The following SLC44A5 variants were observed in gnomAD, a reference collection of about 807,000 sequenced individuals.
SLC44A5 encodes the protein choline transporter-like protein 5.
SLC44A5 carries 57 observed loss-of-function variants against 101.8 expected under a neutral mutation model. The observed-to-expected ratio is 0.56, with a 90% CI of 0.45 to 0.70. The LOEUF is 0.70. Among genes scored for constraint, SLC44A5 ranks in the 30% least tolerant of loss-of-function variants. The pLI, the probability that SLC44A5 is intolerant of heterozygous loss-of-function variation, is 0.00. For synonymous variants in SLC44A5, 281 were observed against 290.9 expected (o/e 0.97, Z 0.35); for missense variants, 737 against 853.1 (o/e 0.86, Z 1.70).
At position 75,524,190 on chromosome 1, in the gene SLC44A5, G is replaced by A. The variant is rs538117270; in HGVS notation, c.13+17245C>T. The stretch of plus-strand genomic sequence containing the variant: ...ACAAGATCTGGTTGTTTAAAAGTGT[G>A]TGGCACTTCCCCCTTAGCTCTCTCT... On this transcript the variant is annotated intron_variant, in intron 2 of 23. Transcript: ENST00000370859. Among the ~76,000 whole-genome samples, 4 of 152,252 alleles carry A rather than the reference G, an allele frequency of 2.6e-5. No homozygotes were observed. In the South Asian group the frequency reaches 8.3e-4, roughly 32 times the overall value.
the SLC44A5 span, among the ~76,000 whole-genome samples, chr1:75,639,319 T>A: frequency 6.6e-6 from 1 of 152,102 alleles, no homozygotes; most frequent in African/African-American, 2.4e-5. Flanking sequence ...CATGTAATTT[T>A]ATCTGTCAAT....
intron 3 of SLC44A5, among the ~76,000 whole-genome samples, chr1:75,361,293 C>G (rs2101116054): frequency 6.6e-6 from 1 of 152,068 alleles, no homozygotes; most frequent in African/African-American, 2.4e-5. Flanking sequence ...ATTAGGATGC[C>G]TTTTATTTCT....
At chr1:75,674,416 G>C in the SLC44A5 span, among the ~76,000 whole-genome samples, 1 of 151,770 alleles carries the variant, frequency 6.6e-6, no homozygotes, top group African/African-American at 2.4e-5. Flanking sequence ...TTTTGCTCTT[G>C]TCGCCCAGGC....
intron 2 of SLC44A5, among the ~76,000 whole-genome samples, chr1:75,479,622 C>T (rs1163342561): frequency 6.6e-6 from 1 of 152,358 alleles, no homozygotes; most frequent in Non-Finnish European, 1.5e-5. Context: ...ACTACAAACA[C>T]CTCTACGCAA....
At chr1:75,639,114 A>G in the SLC44A5 span, among the ~76,000 whole-genome samples, 1 of 152,058 alleles carries the variant, frequency 6.6e-6, no homozygotes, top group South Asian at 2.1e-4. Context: ...GATGAGAGGA[A>G]TAACTTCAAG....
intron 1 of SLC44A5, among the ~76,000 whole-genome samples, chr1:75,543,018 A>T (rs1671437653): frequency 6.6e-6 from 1 of 152,210 alleles, no homozygotes; most frequent in African/African-American, 2.4e-5. Context: ...ATATTATTCA[A>T]GTTTGACAAT....
At chr1:75,523,599 G>A (rs1295145175) in intron 2 of SLC44A5, among the ~76,000 whole-genome samples, 3 of 152,146 alleles carry the variant, frequency 2.0e-5, no homozygotes, top group Non-Finnish European at 4.4e-5. Flanking sequence ...TGGGATTACA[G>A]GCGTGAGCCA....
At chr1:75,419,816 C>A (rs1663891488) in intron 2 of SLC44A5, among the ~76,000 whole-genome samples, 1 of 152,014 alleles carries the variant, frequency 6.6e-6, no homozygotes, top group Non-Finnish European at 1.5e-5. Flanking sequence ...AAATGTGCAA[C>A]AATAATTAGA....
chr1:75,515,077 T>C (rs1182173331), intron 2 of SLC44A5, among the ~76,000 whole-genome samples: 1 of 152,218 alleles, frequency 6.6e-6, no homozygotes, highest in Non-Finnish European at 1.5e-5. Context: ...CTTATCATTC[T>C]CTTACTCTTC....
intron 3 of SLC44A5, among the ~76,000 whole-genome samples, chr1:75,392,395 G>GA (rs1199617334): frequency 1.3e-5 from 2 of 151,904 alleles, no homozygotes; most frequent in Non-Finnish European, 2.9e-5. Flanking sequence ...AGAAACAAAC[G>GA]AAAAAAATGC....
chr1:75,223,537 A>C (rs560663003), intron 13 of SLC44A5, among the ~76,000 whole-genome samples: 1 of 152,364 alleles, frequency 6.6e-6, no homozygotes, highest in South Asian at 2.1e-4. Flanking sequence ...TAAAATCCAG[A>C]AACAGAATCT....
chr1:75,555,215 C>A (rs1672152290), intron 1 of SLC44A5, among the ~76,000 whole-genome samples: 1 of 152,032 alleles, frequency 6.6e-6, no homozygotes, highest in Non-Finnish European at 1.5e-5. Flanking sequence ...AAGTTTAAAT[C>A]AGACAAAACC....
At chr1:75,385,924 A>T (rs796483113) in intron 3 of SLC44A5, among the ~76,000 whole-genome samples, 4 of 152,186 alleles carry the variant, frequency 2.6e-5, no homozygotes, top group Non-Finnish European at 5.9e-5. Context: ...CAATAAATGT[A>T]ATCCAGCATA....
At chr1:75,486,342 G>T (rs189583526) in intron 2 of SLC44A5, among the ~76,000 whole-genome samples, 1 of 152,226 alleles carries the variant, frequency 6.6e-6, no homozygotes, top group Admixed American at 6.5e-5. Flanking sequence ...ATATGTCTGT[G>T]TGTGTAGAGG....
chr1:75,682,650 C>G, the SLC44A5 span, among the ~76,000 whole-genome samples: 162 of 151,892 alleles, frequency 1.1e-3, 1 homozygote, highest in African/African-American at 3.8e-3. Context: ...ACCATAAAAA[C>G]CCTAGAAGAA....
intron 3 of SLC44A5, among the ~76,000 whole-genome samples, chr1:75,393,345 T>A (rs945549255): frequency 1.3e-5 from 2 of 152,180 alleles, no homozygotes; most frequent in Non-Finnish European, 2.9e-5. Flanking sequence ...TTAAAAAGAC[T>A]CTCTGTATAC....
Position 75,505,993 on chromosome 1 carries a change from C to A in SLC44A5, c.13+35442G>T, listed in dbSNP as rs575386132. 2.0e-5 allele frequency among the ~76,000 whole-genome samples: 3 copies of A among 152,170 alleles called. No homozygotes were observed. In the East Asian group the frequency reaches 5.8e-4, roughly 29 times the overall value. ...GTTTTTTATAGTTTGAGGTTTACAT[C>A]TAAATATTTAATCCATCTCACATTA... On this transcript the variant is annotated intron_variant, in intron 2 of 23. Transcript: ENST00000370859.
At chr1:75,530,465 A>C (rs1670655184) in intron 2 of SLC44A5, among the ~76,000 whole-genome samples, 2 of 152,216 alleles carry the variant, frequency 1.3e-5, no homozygotes, top group Non-Finnish European at 2.9e-5. Flanking sequence ...AATGGGCCAC[A>C]GATTTTCAAA....
intron 4 of SLC44A5, among the ~76,000 whole-genome samples, chr1:75,301,345 T>C (rs1654435507): frequency 1.3e-5 from 2 of 152,216 alleles, no homozygotes; most frequent in Non-Finnish European, 2.9e-5. Flanking sequence ...CCAGCAGGGA[T>C]ACTCAAGGTT....
Sources: allele counts gnomAD v4.1 joint callset (sites outside exome capture counted in the v4.1 genomes callset), GRCh38; gene constraint gnomAD v4.1.1; transcripts MANE v1.5; gene names NCBI Gene and HGNC (gene_info 2026-07-23, HGNC 2026-07-21).